Variants in STK32B observed in about 807,000 individuals in gnomAD.
STK32B encodes the protein serine/threonine-protein kinase 32B.
Under a neutral mutation model 52.6 loss-of-function variants are expected in STK32B, and 43 were observed. That is an observed-to-expected ratio of 0.82 (90% CI 0.64 to 1.05). STK32B has a LOEUF of 1.05. Ranked by LOEUF, STK32B falls within the 50% of genes least tolerant of loss-of-function variation. The pLI, the probability that STK32B is intolerant of heterozygous loss-of-function variation, is 0.00. For missense variants in STK32B, 621 were observed against 534.6 expected (o/e 1.16, Z -1.59); for synonymous variants, 238 against 204.3 (o/e 1.17, Z -1.41).
intron 11 of STK32B, among the ~76,000 whole-genome samples, chr4:5,481,622 C>A (rs1201291948): frequency 6.6e-6 from 1 of 152,110 alleles, no homozygotes; most frequent in Non-Finnish European, 1.5e-5. Context: ...GCTTTTGTTG[C>A]CATTGCTTTT....
chr4:5,345,741 A>G (rs150646154), intron 4 of STK32B, among the ~76,000 whole-genome samples: 12 of 152,222 alleles, frequency 7.9e-5, no homozygotes, highest in Admixed American at 3.9e-4. Context: ...CTGATAACCT[A>G]TGGTAATCAA....
chr4:5,330,416 T>C (rs1732155426), intron 3 of STK32B, among the ~76,000 whole-genome samples: 1 of 152,194 alleles, frequency 6.6e-6, no homozygotes, highest in African/African-American at 2.4e-5. Context: ...TTTGGTACTG[T>C]ATCAATTTTC....
At chr4:5,155,596 A>C (rs1717761253) in intron 2 of STK32B, among the ~76,000 whole-genome samples, 1 of 152,026 alleles carries the variant, frequency 6.6e-6, no homozygotes, top group Non-Finnish European at 1.5e-5. Flanking sequence ...CCTACCTGTC[A>C]AGGGAGGGGC....
chr4:5,036,216 A>T, the STK32B span, among the ~76,000 whole-genome samples: 2 of 152,242 alleles, frequency 1.3e-5, no homozygotes, highest in Non-Finnish European at 2.9e-5. Context: ...AACCAATCTG[A>T]AAGCTGCTGG....
At chr4:5,329,215 C>CT (rs902796524) in intron 3 of STK32B, among the ~76,000 whole-genome samples, 62 of 152,206 alleles carry the variant, frequency 4.1e-4, no homozygotes, top group African/African-American at 1.4e-3. Context: ...ACAGCACTTC[C>CT]TGTGAGTCTC....
At chr4:5,351,181 C>A (rs1346450441) in intron 4 of STK32B, among the ~76,000 whole-genome samples, 1 of 152,048 alleles carries the variant, frequency 6.6e-6, no homozygotes, top group Non-Finnish European at 1.5e-5. Context: ...CTACAGAATA[C>A]ATCAGTACAT....
At position 5,349,698 on chromosome 4, in the gene STK32B, A is replaced by G. The variant is rs1015642342; in HGVS notation, c.434+18305A>G. On this transcript the variant is annotated intron_variant, in intron 4 of 11. Transcript: ENST00000282908. ...ATTCAAAATATTGACACTAAAGTTCAGTGAGATAAAAGAGAATATTGAAAA... is the reference window on the plus strand; with the variant it reads ...ATTCAAAATATTGACACTAAAGTTCGGTGAGATAAAAGAGAATATTGAAAA... 1.2e-4 allele frequency among the ~76,000 whole-genome samples: 18 copies of G among 152,152 alleles called. 1 individual carries two copies. The highest frequency in any genetic ancestry group is 7.2e-4 in the Admixed American group (11 of 15,266).
intron 4 of STK32B, among the ~76,000 whole-genome samples, chr4:5,385,017 G>A (rs745540919): frequency 3.3e-5 from 5 of 152,122 alleles, no homozygotes; most frequent in Admixed American, 6.5e-5. Flanking sequence ...GTGACCAGGA[G>A]TGAAACCCTC....
At chr4:5,216,559 G>A (rs547513875) in intron 3 of STK32B, among the ~76,000 whole-genome samples, 1 of 152,310 alleles carries the variant, frequency 6.6e-6, no homozygotes, top group South Asian at 2.1e-4. Context: ...TTGTACGACT[G>A]AAAAGAGGAG....
chr4:5,171,520 C>A (rs893192738), intron 3 of STK32B, among the ~76,000 whole-genome samples: 4 of 152,098 alleles, frequency 2.6e-5, no homozygotes, highest in South Asian at 4.1e-4. Context: ...TCAGCTTTCT[C>A]CATATGGCTA....
At chr4:5,147,518 A>C (rs1334429641) in intron 2 of STK32B, among the ~76,000 whole-genome samples, 6 of 152,056 alleles carry the variant, frequency 3.9e-5, no homozygotes, top group Non-Finnish European at 7.4e-5. Flanking sequence ...TAGGGGAAAA[A>C]GTGTTCAGTC....
At chr4:5,094,659 A>C (rs376596915) in intron 1 of STK32B, among the ~76,000 whole-genome samples, 18 of 152,168 alleles carry the variant, frequency 1.2e-4, no homozygotes, top group African/African-American at 3.9e-4. Flanking sequence ...TGTTGCTATA[A>C]AAGAATACAG....
intron 3 of STK32B, among the ~76,000 whole-genome samples, chr4:5,288,462 C>T (rs1006837762): frequency 8.6e-5 from 13 of 151,992 alleles, no homozygotes; most frequent in East Asian, 3.9e-4. Context: ...ATTGTGGTTT[C>T]GTGTTAAATG....
intron 1 of STK32B, among the ~76,000 whole-genome samples, chr4:5,063,467 C>T (rs1031183498): frequency 1.1e-4 from 16 of 152,126 alleles, no homozygotes; most frequent in African/African-American, 2.2e-4. Flanking sequence ...CTCATCCTCC[C>T]GAGTAGCTGG....
chr4:5,482,532 C>G lies in STK32B; in HGVS notation c.1106+14462C>G, dbSNP rs562199209. ...GATATACAATCATGTCATCTGCCAA[C>G]AGGGACAATTTGACTTCCTCTTTTC... On this transcript the variant is annotated intron_variant, in intron 11 of 11. Transcript: ENST00000282908. Among the ~76,000 whole-genome samples the G allele has an allele frequency of 2.0e-3, 306 of 152,288 alleles. 1 individual carries two copies. The highest frequency in any genetic ancestry group is 7.0e-3 in the African/African-American group (291 of 41,566).
At chr4:5,246,006 C>T (rs187478144) in intron 3 of STK32B, among the ~76,000 whole-genome samples, 60 of 152,230 alleles carry the variant, frequency 3.9e-4, no homozygotes, top group African/African-American at 6.5e-4. Context: ...GCCCTTAACA[C>T]TTTTTCCTTC....
chr4:5,229,347 A>G (rs942266218), intron 3 of STK32B, among the ~76,000 whole-genome samples: 3 of 152,184 alleles, frequency 2.0e-5, no homozygotes, highest in Non-Finnish European at 4.4e-5. Flanking sequence ...CCCAGACCTC[A>G]CCACTACGTA....
At chr4:5,295,495 G>T (rs1216504802) in intron 3 of STK32B, among the ~76,000 whole-genome samples, 4 of 152,100 alleles carry the variant, frequency 2.6e-5, no homozygotes, top group Non-Finnish European at 4.4e-5. Flanking sequence ...TCCTTGTTTT[G>T]TCTTGGGAGG....
At chr4:5,163,953 A>G (rs1021355062) in intron 2 of STK32B, among the ~76,000 whole-genome samples, 4 of 152,110 alleles carry the variant, frequency 2.6e-5, no homozygotes, top group Non-Finnish European at 4.4e-5. Flanking sequence ...GCCACATGCT[A>G]TGGCTGGCTC....
Sources: gnomAD v4.1 joint callset for allele counts (sites outside exome capture counted in the v4.1 genomes callset) on GRCh38, gnomAD v4.1.1 for gene constraint, MANE v1.5 for transcripts, NCBI Gene and HGNC (gene_info 2026-07-23, HGNC 2026-07-21) for gene names.